Variants in NCAPG2 observed in about 807,000 individuals in gnomAD.
NCAPG2 encodes the protein condensin-2 complex subunit G2.
In NCAPG2, 53 loss-of-function variants were observed where a neutral mutation model predicts 141.1. The ratio of observed to expected loss-of-function variants is 0.38; its 90% CI spans 0.30 to 0.47. NCAPG2 has a LOEUF of 0.47. Ranked by LOEUF, NCAPG2 falls within the 20% of genes least tolerant of loss-of-function variation. The pLI is 0.99. For synonymous variants in NCAPG2, 499 were observed against 490.7 expected (o/e 1.02, Z -0.22); for missense variants, 1,087 against 1,389.0 (o/e 0.78, Z 3.46).
chr7:158,653,049 T>G (rs1475879546), intron 22 of NCAPG2, among the ~76,000 whole-genome samples: 1 of 152,224 alleles, frequency 6.6e-6, no homozygotes, highest in Non-Finnish European at 1.5e-5. Context: ...TATAAAATGC[T>G]GTTTTCACAA....
At chr7:158,686,422 T>G (rs1440355169) in intron 7 of NCAPG2, among the ~76,000 whole-genome samples, 181 bp from the exon 8 acceptor site, 1 of 152,224 alleles carries the variant, frequency 6.6e-6, no homozygotes, top group Non-Finnish European at 1.5e-5. Flanking sequence ...GGAGAAGGTT[T>G]TGGGAAAGGA....
At chr7:158,644,884 G>C (rs903435626) in intron 26 of NCAPG2, among the ~76,000 whole-genome samples, 1 of 152,148 alleles carries the variant, frequency 6.6e-6, no homozygotes, top group African/African-American at 2.4e-5. Flanking sequence ...GGCTTACAGG[G>C]AGAGTTTGTT....
At position 158,693,291 on chromosome 7, in the gene NCAPG2, T is replaced by C; in HGVS notation, c.267+18A>G. 1.9e-6 allele frequency: 3 copies of C among 1,588,024 alleles called. No homozygotes were observed. The highest frequency in any genetic ancestry group is 2.6e-6 in the Non-Finnish European group (3 of 1,173,470). On this transcript the variant is annotated intron_variant, in intron 3 of 27. Transcript: ENST00000356309. ...AAAAAGAGAAAAACGTTTCTTATTT[T>C]TGAAAAACAAATACTACCATTTTTG...
chr7:158,646,377 G>A, intron 25 of NCAPG2, 83 bp downstream of exon 25: 1 of 940,624 alleles, frequency 1.1e-6, no homozygotes, highest in Non-Finnish European at 1.6e-6. Context: ...TGAAAAACTT[G>A]AGTGTAAAAG....
chr7:158,662,861 C>A (rs1264387090), intron 15 of NCAPG2, among the ~76,000 whole-genome samples: 1 of 152,164 alleles, frequency 6.6e-6, no homozygotes, highest in Non-Finnish European at 1.5e-5. Flanking sequence ...CAACTCCACC[C>A]TACAGGCAGG....
chr7:158,661,527 A>T (rs1832502930), intron 16 of NCAPG2, among the ~76,000 whole-genome samples: 1 of 152,162 alleles, frequency 6.6e-6, no homozygotes, highest in African/African-American at 2.4e-5. Context: ...AGTTCAAAAG[A>T]TCTATCCTAT....
chr7:158,650,744 G>C (rs1234779998), intron 24 of NCAPG2, 88 bp downstream of exon 24: 22 of 1,433,378 alleles, frequency 1.5e-5, no homozygotes, highest in Non-Finnish European at 1.9e-5. Flanking sequence ...AAAATACTTT[G>C]AGAAACGTAG....
chr7:158,659,690 G>A (rs10949737), intron 16 of NCAPG2, among the ~76,000 whole-genome samples: 84,097 of 151,798 alleles, frequency 0.55, 23,778 homozygotes, highest in Non-Finnish European at 0.61. Context: ...CTAAAATAAT[G>A]ATAATAATAA....
intron 25 of NCAPG2, 128 bp downstream of exon 25, chr7:158,646,332 A>G: frequency 1.6e-6 from 1 of 622,258 alleles, no homozygotes; most frequent in South Asian, 2.2e-5. Flanking sequence ...AAAAAATTAT[A>G]TGAAACATTT....
At chr7:158,689,053 C>T (rs929103926) in intron 6 of NCAPG2, among the ~76,000 whole-genome samples, 1 of 152,092 alleles carries the variant, frequency 6.6e-6, no homozygotes, top group African/African-American at 2.4e-5. Context: ...AGCATGTAGT[C>T]GACGCTCAGT....
chr7:158,675,177 G>T (rs1393732544), intron 12 of NCAPG2, among the ~76,000 whole-genome samples: 2 of 152,184 alleles, frequency 1.3e-5, no homozygotes, highest in Non-Finnish European at 2.9e-5. Flanking sequence ...ATATGTACAA[G>T]ATTCTATGCA....
rs552091385 is a variant in NCAPG2 at position 158,683,349 on chromosome 7, T to C, written c.875A>G (p.His292Arg). 37 of 1,607,452 alleles carry C rather than the reference T, an allele frequency of 2.3e-5. 1 individual carries two copies. In the South Asian group the frequency reaches 4.1e-4, roughly 18 times the overall value. The stretch of plus-strand genomic sequence containing the variant: ...AGACCTCCTCGGAAGGTGTATCCCG[T>C]GGAACATGAAGTCCTGGATGCAATC... Reference protein sequence around the residue: ...ENDCIQDFMFHGIHLPRRSPV... With the variant: ...ENDCIQDFMFRGIHLPRRSPV... The change falls in exon 9 of 28, where the codon CAC becomes CGC. Residue 292 changes from histidine to arginine, a missense_variant. His to Arg is a conservative substitution (Grantham distance 29). Transcript: ENST00000356309.
At chr7:158,678,999 G>GT (rs1033414714) in intron 11 of NCAPG2, among the ~76,000 whole-genome samples, 6 of 152,048 alleles carry the variant, frequency 3.9e-5, no homozygotes, top group African/African-American at 1.4e-4. Context: ...ACACCGGGCT[G>GT]TTTTTTTGTT....
At position 158,656,254 on chromosome 7, in the gene NCAPG2, A is replaced by G. The variant is rs775004950; in HGVS notation, c.2388+6T>C. ...AAACCACTCAACTCTCAGGGCACAG[A>G]GTTACCTTTGACGTTTCAAGGGCTT... On this transcript the variant is annotated splice_donor_region_variant and intron_variant, in intron 19 of 27. Coordinates refer to ENST00000356309, the MANE Select transcript of NCAPG2 (RefSeq NM_017760.7). The G allele has an allele frequency of 6.2e-7, 1 of 1,613,640 alleles. No individual in the cohort carries two copies. The highest frequency in any genetic ancestry group is 1.7e-5 in the Admixed American group (1 of 59,960).
chr7:158,676,206 C>G (rs1834041232), intron 11 of NCAPG2, among the ~76,000 whole-genome samples: 1 of 152,146 alleles, frequency 6.6e-6, no homozygotes, highest in African/African-American at 2.4e-5. Flanking sequence ...ATTTAACTAC[C>G]AATTTATAGG....
At chr7:158,703,321 A>G (rs1835924255) in intron 1 of NCAPG2, among the ~76,000 whole-genome samples, 1 of 152,216 alleles carries the variant, frequency 6.6e-6, no homozygotes, top group South Asian at 2.1e-4. Context: ...AAGGTGCAGC[A>G]AACACATGGA....
Position 158,687,334 on chromosome 7 carries a change from C to T in NCAPG2, c.767+14G>A, listed in dbSNP as rs376607138. On this transcript the variant is annotated intron_variant, in intron 7 of 27. Transcript: ENST00000356309. ...TTAAGACAGCACAAAATCTTCAGTA[C>T]TTTTAACACTTACTTTTGTAATCCC... 2.0e-4 allele frequency: 321 copies of T among 1,581,408 alleles called. No individual in the cohort carries two copies. The highest frequency in any genetic ancestry group is 1.2e-3 in the Admixed American group (69 of 56,922).
Position 158,688,270 on chromosome 7 carries a change from C to T in NCAPG2, c.673-828G>A, listed in dbSNP as rs111520858. On this transcript the variant is annotated intron_variant, in intron 6 of 27. Transcript: ENST00000356309. ...CCAGAATGACTGGAAACTGACCTGA[C>T]CAAATTAATGATTGATTAGGAAACT... 4.0e-4 allele frequency among the ~76,000 whole-genome samples: 61 copies of T among 152,036 alleles called. 2 individuals are homozygous for T. The highest frequency in any genetic ancestry group is 1.3e-3 in the African/African-American group (52 of 41,438).
intron 27 of NCAPG2, among the ~76,000 whole-genome samples, chr7:158,635,939 G>A (rs1014789645): frequency 3.3e-5 from 5 of 152,128 alleles, no homozygotes; most frequent in Admixed American, 6.5e-5. Flanking sequence ...TCTTCCGTTA[G>A]ATTGATTTTT....
Sources: gnomAD v4.1 joint callset for allele counts (sites outside exome capture counted in the v4.1 genomes callset) on GRCh38, gnomAD v4.1.1 for gene constraint, MANE v1.5 for transcripts, NCBI Gene and HGNC (gene_info 2026-07-23, HGNC 2026-07-21) for gene names.